The following POU3F3 variants were observed in gnomAD, a reference collection of about 807,000 sequenced individuals.
POU3F3 encodes POU domain, class 3, transcription factor 3.
POU3F3 carries 1 observed loss-of-function variant against 8.6 expected under a neutral mutation model. That is an observed-to-expected ratio of 0.12 (90% confidence interval 0.04 to 0.55). POU3F3 has a LOEUF of 0.55. Among genes scored for constraint, POU3F3 ranks in the 20% least tolerant of loss-of-function variants. The probability of loss-of-function intolerance (pLI) is 0.91; values close to 1 mark genes in which losing one functional copy is unlikely to be tolerated. For synonymous variants in POU3F3, 418 were observed against 327.4 expected, an observed-to-expected ratio of 1.28 and a Z score of -2.99; for missense variants, 577 against 690.7, an observed-to-expected ratio of 0.84 and a Z score of 1.84.
chr2:104,858,972 T>A (rs1352795552), downstream of POU3F3, among the ~76,000 whole-genome samples: 3 of 151,946 alleles, frequency 2.0e-5, no homozygotes, highest in Non-Finnish European at 4.4e-5. Context: ...TTCAGCTTCT[T>A]TTTTCTTCTC....
At chr2:104,878,245 C>T in the POU3F3 span, among the ~76,000 whole-genome samples, 1 of 152,176 alleles carries the variant, frequency 6.6e-6, no homozygotes, top group African/African-American at 2.4e-5. Context: ...AAACAAAAAT[C>T]ATGCAATTTA....
At position 104,856,833 on chromosome 2, in the gene POU3F3, C is replaced by G; in HGVS notation, c.1323C>G (p.Asp441Glu). 6.2e-7 allele frequency: 1 copy of G among 1,614,140 alleles called. No individual in the cohort carries two copies. ...PSAQEITNLA[D>E]SLQLEKEVVR... is the part of the protein sequence containing the mutation. ...CGCAGGAGATCACCAACCTGGCCGACAGCCTGCAGCTCGAGAAGGAGGTGG... is the reference window on the plus strand; with the variant it reads ...CGCAGGAGATCACCAACCTGGCCGAGAGCCTGCAGCTCGAGAAGGAGGTGG... Residue 441 changes from aspartate to glutamate, a missense_variant, in exon 1 of 1, where the codon GAC becomes GAG. By Grantham distance (45) the Asp-to-Glu change is conservative. This residue lies in a region of POU3F3 where 21 missense variants were observed against 41.9 expected (regional missense o/e 0.50). Transcript: ENST00000361360.
rs935706997 is a variant in POU3F3, at chr2:104,854,334, A to T, written c.-1177A>T. 2.0e-5 allele frequency among the ~76,000 whole-genome samples: 3 copies of T among 152,224 alleles called. No homozygotes were observed. The highest frequency in any genetic ancestry group is 1.9e-4 in the East Asian group (1 of 5,180). ...CGTCGGTGCACTCTACGAGCCGTGC[A>T]GCGTGCCCACTGGAGTTGTTGTGTA... is the stretch of plus-strand genomic sequence containing the variant. On this transcript the variant is annotated 5_prime_UTR_variant, in exon 1 of 1. Coordinates refer to ENST00000361360, the MANE Select transcript of POU3F3 (RefSeq NM_006236.3). This position sits in a 1 kb window ranked among gnomAD's most constrained non-coding sequence, Gnocchi z 4.5.
the POU3F3 span, among the ~76,000 whole-genome samples, chr2:104,919,166 T>A: frequency 6.6e-6 from 1 of 152,190 alleles, no homozygotes; most frequent in South Asian, 2.1e-4. Flanking sequence ...CCACCATGCC[T>A]GGTCCATGAA....
the POU3F3 span, among the ~76,000 whole-genome samples, chr2:104,887,690 G>A: frequency 1.3e-5 from 2 of 152,190 alleles, no homozygotes; most frequent in African/African-American, 2.4e-5. Context: ...CAAGAGAGCG[G>A]TGAAGCATGC....
chr2:104,861,974 T>C (rs1467735096), downstream of POU3F3, among the ~76,000 whole-genome samples: 1 of 152,130 alleles, frequency 6.6e-6, no homozygotes, highest in African/African-American at 2.4e-5. Context: ...GGAAAGGAAA[T>C]AGTGCGCAGG....
the POU3F3 span, among the ~76,000 whole-genome samples, chr2:104,897,782 A>C: frequency 2.0e-5 from 3 of 152,246 alleles, no homozygotes; most frequent in African/African-American, 7.2e-5. Flanking sequence ...TATGCATTTC[A>C]ACCAAGGTTT....
the POU3F3 span, chr2:104,865,742 C>A: frequency 4.4e-4 from 67 of 152,328 alleles, no homozygotes; most frequent in African/African-American, 1.5e-3. Context: ...GTGAGGGGGG[C>A]TAGCCAGATT....
the POU3F3 span, among the ~76,000 whole-genome samples, chr2:104,915,989 T>C: frequency 6.6e-6 from 1 of 151,304 alleles, no homozygotes; most frequent in Non-Finnish European, 1.5e-5. Flanking sequence ...TATGACATGC[T>C]GTGTGCACCT....
At chr2:104,922,474 A>G in the POU3F3 span, among the ~76,000 whole-genome samples, 1 of 152,010 alleles carries the variant, frequency 6.6e-6, no homozygotes, top group Non-Finnish European at 1.5e-5. Flanking sequence ...ATATCAATAG[A>G]AGAAACCAAA....
At chr2:104,862,501 G>A (rs890349653), downstream of POU3F3, among the ~76,000 whole-genome samples, 6 of 152,072 alleles carry the variant, frequency 3.9e-5, 1 homozygote, top group South Asian at 1.2e-3. Context: ...GAGGGGGAGG[G>A]GGACCCGAGG....
chr2:104,861,869 A>T (rs1026356479), downstream of POU3F3, among the ~76,000 whole-genome samples: 1 of 151,794 alleles, frequency 6.6e-6, no homozygotes, highest in East Asian at 1.9e-4. Flanking sequence ...CACCCATGTG[A>T]CCTCCTGGGT....
chr2:104,922,117 T>C, the POU3F3 span, among the ~76,000 whole-genome samples: 1 of 152,156 alleles, frequency 6.6e-6, no homozygotes, highest in African/African-American at 2.4e-5. Context: ...TGCTAATCCC[T>C]GGTACAGAGA....
chr2:104,924,955 G>A, the POU3F3 span, among the ~76,000 whole-genome samples: 1 of 152,296 alleles, frequency 6.6e-6, no homozygotes, highest in African/African-American at 2.4e-5. Flanking sequence ...ATAAAGTAGG[G>A]AGCATTATAG....
At chr2:104,926,259 A>G in the POU3F3 span, among the ~76,000 whole-genome samples, 1 of 152,190 alleles carries the variant, frequency 6.6e-6, no homozygotes, top group African/African-American at 2.4e-5. Flanking sequence ...AATTTACAAG[A>G]AAAAAACAAA....
At chr2:104,875,847 G>A in the POU3F3 span, among the ~76,000 whole-genome samples, 55 of 152,118 alleles carry the variant, frequency 3.6e-4, no homozygotes, top group Non-Finnish European at 7.2e-4. Flanking sequence ...CTTCCAAGTA[G>A]CAGGGACTAC....
At chr2:104,923,156 A>G in the POU3F3 span, among the ~76,000 whole-genome samples, 3 of 152,246 alleles carry the variant, frequency 2.0e-5, no homozygotes, top group African/African-American at 7.2e-5. Context: ...AGGAGTCCTT[A>G]AAGTTGAAAT....
In POU3F3 at chr2:104,854,843, G is replaced by GGAGGAGAGGA. The variant is rs762777001; in HGVS notation, c.-654_-645dup. ...GAAAACGAGTGAAATGTGTTCCTGA[G>GGAGGAGAGGA]GAGGAGAGGAGAGGAGAGGAGAGAG... On this transcript the variant is annotated 5_prime_UTR_variant, in exon 1 of 1. Coordinates refer to ENST00000361360, the MANE Select transcript of POU3F3 (RefSeq NM_006236.3). This position sits in a 1 kb window ranked among gnomAD's most constrained non-coding sequence, Gnocchi z 4.5. Among the ~76,000 whole-genome samples the GGAGGAGAGGA allele has an allele frequency of 9.4e-4, 143 of 152,340 alleles. 1 individual carries two copies. The highest frequency in any genetic ancestry group is 3.4e-3 in the Middle Eastern group (1 of 294).
downstream of POU3F3, among the ~76,000 whole-genome samples, chr2:104,863,271 A>G (rs1218859652): frequency 6.6e-6 from 1 of 151,100 alleles, no homozygotes; most frequent in Non-Finnish European, 1.5e-5. Flanking sequence ...TAATGAGCAA[A>G]CCTGGGGGCT....
Sources: allele counts gnomAD v4.1 joint callset (sites outside exome capture counted in the v4.1 genomes callset), GRCh38; gene constraint gnomAD v4.1.1; regional missense constraint gnomAD v4.1.1; non-coding constraint Gnocchi (gnomAD v3.1); transcripts MANE v1.5; gene names NCBI Gene and HGNC (gene_info 2026-07-23, HGNC 2026-07-21).